Variants in MYPN observed in about 807,000 individuals in gnomAD.
MYPN encodes sarcomeric protein myopalladin, 145 kDa (MYOP).
MYPN carries 63 observed loss-of-function variants against 129.4 expected under a neutral mutation model. The observed-to-expected ratio is 0.49, with a 90% CI of 0.40 to 0.60. MYPN has a LOEUF of 0.60. MYPN is among the 20% of genes least tolerant of loss of function. The probability of loss-of-function intolerance (pLI) is 0.00; values close to 1 mark genes in which losing one functional copy is unlikely to be tolerated. For missense variants in MYPN, 1,596 were observed against 1,635.4 expected (o/e 0.98, Z 0.42); for synonymous variants, 629 against 600.9 (o/e 1.05, Z -0.68).
At position 68,122,196 on chromosome 10, in the gene MYPN, G is replaced by A. The variant is rs760197836; in HGVS notation, c.758G>A (p.Gly253Glu). The A allele has an allele frequency of 6.2e-7, 1 of 1,608,992 alleles. No homozygotes were observed. Among genetic ancestry groups the A allele is most frequent in the African/African-American group, 1.3e-5 (1 of 74,686 alleles). The part of the protein sequence containing the change: ...SEAAGGDTTP[G>E]SSPSSLYYEE... Reference sequence around the variant, plus strand: ...GCGGCTGGTGGAGACACTACACCAGGGTCTTCCCCTTCATCTCTGTACTAT... The same window carrying A: ...GCGGCTGGTGGAGACACTACACCAGAGTCTTCCCCTTCATCTCTGTACTAT... Residue 253 changes from glycine to glutamate, a missense_variant, in exon 2 of 20, where the codon GGG becomes GAG. Physicochemically the swap from Gly to Glu is moderately conservative, Grantham distance 98 (BLOSUM62 -2). Coordinates refer to ENST00000358913, the MANE Select transcript of MYPN (RefSeq NM_032578.4).
intron 10 of MYPN, among the ~76,000 whole-genome samples, chr10:68,170,297 T>C (rs10997973): frequency 0.41 from 62,080 of 152,062 alleles, 14,215 homozygotes; most frequent in Non-Finnish European, 0.52. Flanking sequence ...TTCTACTAAA[T>C]CATGTAGTGA....
At position 68,145,525 on chromosome 10, in the gene MYPN, C is replaced by G; in HGVS notation, c.1129C>G (p.Arg377Gly). ...CGACCCTAACAAGGAAGAGATGAATCGGTAATTCTGATTTTCTGTCTTATA... is the reference window on the plus strand; with the variant it reads ...CGACCCTAACAAGGAAGAGATGAATGGGTAATTCTGATTTTCTGTCTTATA... ...EGDPNKEEMN[R>G]IQKPNEVSSP... Residue 377 changes from arginine (R) to glycine (G), a missense_variant and splice_region_variant, in exon 4 of 20, where the codon CGA (arginine) becomes GGA (glycine). Arg to Gly is a moderately radical substitution (Grantham distance 125, BLOSUM62 -2). Coordinates refer to ENST00000358913, the MANE Select transcript of MYPN (RefSeq NM_032578.4). 6 of 1,611,988 alleles carry G rather than the reference C, an allele frequency of 3.7e-6. No homozygotes were observed. Among genetic ancestry groups the G allele is most frequent in the Non-Finnish European group, 4.2e-6 (5 of 1,178,570 alleles).
At chr10:68,126,109 G>A (rs117031941) in intron 2 of MYPN, among the ~76,000 whole-genome samples, 56 of 152,262 alleles carry the variant, frequency 3.7e-4, no homozygotes, top group African/African-American at 1.1e-3. Flanking sequence ...CAAAGCTCCC[G>A]AGGCAAGTGT....
intron 10 of MYPN, among the ~76,000 whole-genome samples, chr10:68,170,656 G>A (rs575833360): frequency 6.6e-6 from 1 of 152,220 alleles, no homozygotes; most frequent in South Asian, 2.1e-4. Flanking sequence ...TTTAAACCTT[G>A]TATCATCAAA....
At chr10:68,102,063 TG>T (rs745311978), upstream of MYPN, among the ~76,000 whole-genome samples, 49 of 151,904 alleles carry the variant, frequency 3.2e-4, no homozygotes, top group Non-Finnish European at 5.9e-4. Context: ...CCAAAATATT[TG>T]GTTTTCATTA....
At chr10:68,181,509 C>T (rs1387847357) in intron 12 of MYPN, among the ~76,000 whole-genome samples, 1 of 151,950 alleles carries the variant, frequency 6.6e-6, no homozygotes, top group African/African-American at 2.4e-5. Context: ...AGGCTGGTCT[C>T]GAACTCTTGA....
chr10:68,135,544 T>C (rs2042474092), intron 2 of MYPN: 1 of 944,742 alleles, frequency 1.1e-6, no homozygotes, highest in Non-Finnish European at 1.3e-6. Context: ...TTTTTGGCTG[T>C]GTTTTAGGCC....
intron 18 of MYPN, among the ~76,000 whole-genome samples, chr10:68,203,741 A>AGAGC (rs56096764): frequency 0.4 from 59,599 of 150,430 alleles, 12,614 homozygotes; most frequent in Non-Finnish European, 0.48. Context: ...AGAGAGAGAG[A>AGAGC]GAGAGATACA....
chr10:68,099,076 T>A (rs2041970482), intron 1 of MYPN, among the ~76,000 whole-genome samples: 4 of 152,244 alleles, frequency 2.6e-5, no homozygotes, highest in Admixed American at 1.3e-4. Flanking sequence ...TATAACCACC[T>A]TTTAATGTTT....
chr10:68,107,180 G>A (rs17535251), upstream of MYPN, among the ~76,000 whole-genome samples: 13,529 of 152,144 alleles, frequency 0.089, 722 homozygotes, highest in Middle Eastern at 0.17. Context: ...ACTATAACCA[G>A]AGTGTTCACA....
chr10:68,150,075 T>G lies in MYPN; in HGVS notation c.1281T>G (p.Asp427Glu), dbSNP rs762124537. The G allele has an allele frequency of 2.5e-6, 4 of 1,614,000 alleles. No individual in the cohort carries two copies. The East Asian group carries it at 8.9e-5, about 36-fold the overall frequency. ...QSPTNYLQGL[D>E]GKPIIAAPVF... is the part of the protein sequence containing the mutation. Reference sequence around the variant, plus strand: ...CCACCAATTACTTGCAGGGATTGGATGGAAAACCTATCATTGCAGCTCCTG... The same window carrying G: ...CCACCAATTACTTGCAGGGATTGGAGGGAAAACCTATCATTGCAGCTCCTG... Residue 427 changes from aspartate (D) to glutamate (E), a missense_variant, in exon 6 of 20, where the codon GAT becomes GAG. Asp to Glu is a conservative substitution (Grantham distance 45, BLOSUM62 2). Coordinates refer to ENST00000358913, the MANE Select transcript of MYPN (RefSeq NM_032578.4).
intron 2 of MYPN, 52 bp from the exon 3 acceptor site, chr10:68,142,888 T>C (rs1240909144): frequency 1.3e-6 from 2 of 1,536,330 alleles, no homozygotes; most frequent in African/African-American, 1.4e-5. Context: ...GCTGTCTATG[T>C]TATTGTCTTG....
At chr10:68,104,261 G>A (rs2041996509), upstream of MYPN, among the ~76,000 whole-genome samples, 1 of 152,188 alleles carries the variant, frequency 6.6e-6, no homozygotes. Flanking sequence ...AGATGTCCAA[G>A]CAGACCAAAA....
intron 19 of MYPN, among the ~76,000 whole-genome samples, chr10:68,209,389 T>C (rs1484891951): frequency 6.6e-6 from 1 of 152,204 alleles, no homozygotes; most frequent in Non-Finnish European, 1.5e-5. Flanking sequence ...TACTTTTCAG[T>C]CTTCTTGCTG....
upstream of MYPN, among the ~76,000 whole-genome samples, chr10:68,107,065 T>C (rs2042020488): frequency 1.3e-5 from 2 of 152,380 alleles, no homozygotes; most frequent in South Asian, 4.1e-4. Flanking sequence ...AGGTTTGTGA[T>C]ATAATGTTTA....
chr10:68,165,124 A>T (rs1273761093), intron 8 of MYPN, among the ~76,000 whole-genome samples: 1 of 152,374 alleles, frequency 6.6e-6, no homozygotes, highest in East Asian at 1.9e-4. Flanking sequence ...TGACATAAAA[A>T]TAGAAGATTA....
intron 13 of MYPN, among the ~76,000 whole-genome samples, chr10:68,189,535 C>A (rs1457598399): frequency 2.6e-5 from 4 of 152,204 alleles, no homozygotes; most frequent in Admixed American, 1.3e-4. Context: ...TCCTTCCCAG[C>A]CTGTGGTAAC....
chr10:68,088,257 C>T (rs565732438), intron 1 of MYPN, among the ~76,000 whole-genome samples: 2 of 152,016 alleles, frequency 1.3e-5, no homozygotes, highest in African/African-American at 2.4e-5. Flanking sequence ...GGAGGGTGTC[C>T]TAGAAAAATC....
intron 18 of MYPN, among the ~76,000 whole-genome samples, chr10:68,204,923 T>C (rs2043788426): frequency 6.6e-6 from 1 of 151,766 alleles, no homozygotes; most frequent in South Asian, 2.1e-4. Context: ...GTAAGGAATA[T>C]GCCATGATCC....
Sources: allele counts gnomAD v4.1 joint callset (sites outside exome capture counted in the v4.1 genomes callset), GRCh38; gene constraint gnomAD v4.1.1; transcripts MANE v1.5; gene names NCBI Gene and HGNC (gene_info 2026-07-23, HGNC 2026-07-21).